The following DHX15 variants were observed in gnomAD, a reference collection of about 807,000 sequenced individuals.
DHX15 encodes DEAH-box helicase 15, also known as ATP-dependent RNA helicase DHX15.
Under a neutral mutation model 94.4 loss-of-function variants are expected in DHX15, and 11 were observed. That is an observed-to-expected ratio of 0.12 (90% CI 0.07 to 0.19). The LOEUF is 0.19. Among genes scored for constraint, DHX15 ranks in the 10% least tolerant of loss-of-function variants. DHX15 has a pLI of 1.00. For missense variants in DHX15, 304 were observed against 988.5 expected (o/e 0.31, Z 9.29); for synonymous variants, 338 against 329.9 (o/e 1.02, Z -0.27).
In DHX15 at chr4:24,584,472, C is replaced by G; in HGVS notation, c.-79G>C. ...GGCACAGTCGAGGACAGCCACTTAACTCTGGAGGACCCCCACCCCTCCCGC... is the reference window on the plus strand; with the variant it reads ...GGCACAGTCGAGGACAGCCACTTAAGTCTGGAGGACCCCCACCCCTCCCGC... On this transcript the variant is annotated 5_prime_UTR_variant, in exon 1 of 14. Transcript: ENST00000336812. 7.3e-7 allele frequency: 1 copy of G among 1,371,694 alleles called. No individual in the cohort carries two copies. Among genetic ancestry groups the G allele is most frequent in the Non-Finnish European group, 1.0e-6 (1 of 992,978 alleles). 85.0% of individuals were successfully genotyped at this position (1,371,694 alleles called of 1,614,324 possible).
chr4:24,555,235 CATT>C (rs1355928128), intron 4 of DHX15, among the ~76,000 whole-genome samples: 1 of 149,844 alleles, frequency 6.7e-6, no homozygotes, highest in Non-Finnish European at 1.5e-5. Flanking sequence ...TAAAAGAAAA[CATT>C]AATATGCAGT....
Position 24,528,038 on chromosome 4 carries a change from C to G in DHX15, c.2274G>C (p.Leu758Phe). 6.2e-7 allele frequency: 1 copy of G among 1,611,734 alleles called. No individual in the cohort carries two copies. The highest frequency in any genetic ancestry group is 8.5e-7 in the Non-Finnish European group (1 of 1,178,056). The change falls in exon 14 of 14, where the codon TTG becomes TTC. Residue 758 changes from leucine (L) to phenylalanine (F), a missense_variant. Transcript: ENST00000336812. The stretch of plus-strand genomic sequence containing the variant: ...CATAATATTGAGGGGCAATTTTCAC[C>G]AACCTGTTTAGAAGTGGGCAGAAAA... ...RTCTDIKPEW[L>F]VKIAPQYYDM...
At position 24,581,316 on chromosome 4, in the gene DHX15, T is replaced by C. The variant is rs141536914; in HGVS notation, c.71+3007A>G. On this transcript the variant is annotated intron_variant, in intron 1 of 13. Transcript: ENST00000336812. ...GTGCTGGGATTACAGGCGTGAGCCA[T>C]TGCGCCCGGCCTATGGCAGCCAATT... Among the ~76,000 whole-genome samples, 348 of 152,246 alleles carry C rather than the reference T, an allele frequency of 2.3e-3. 3 individuals carry two copies. The highest frequency in any genetic ancestry group is 7.9e-3 in the African/African-American group (327 of 41,554).
At chr4:24,571,358 A>C (rs900164387) in intron 2 of DHX15, among the ~76,000 whole-genome samples, 6 of 152,204 alleles carry the variant, frequency 3.9e-5, no homozygotes, top group African/African-American at 1.4e-4. Flanking sequence ...CCTCAGGAGC[A>C]GTATGCACAA....
rs1209505347 is a variant in DHX15 at position 24,537,257 on chromosome 4, G to C, written c.1787-84C>G. 2 of 1,580,050 alleles carry C rather than the reference G, an allele frequency of 1.3e-6. No homozygotes were observed. The highest frequency in any genetic ancestry group is 3.5e-5 in the Admixed American group (2 of 56,690). ...CAGATAGAGGAACAAGGCCTAGCTA[G>C]GTCAGTTCACAGAGCATAGGGCAGG... On this transcript the variant is annotated intron_variant, in intron 10 of 13. Transcript: ENST00000336812. This position sits in a 1 kb window ranked among gnomAD's most constrained non-coding sequence, Gnocchi z 4.7.
In DHX15 at chr4:24,541,021, C is replaced by G. The variant is rs960270042; in HGVS notation, c.1486-73G>C. 1.3e-5 allele frequency: 10 copies of G among 790,510 alleles called. No individual in the cohort carries two copies. In the South Asian group the frequency reaches 1.5e-4, roughly 12 times the overall value. The allele number at this position is 790,510 out of a possible 1,614,324, so 49.0% of individuals were successfully genotyped here. A position where few individuals can be genotyped will look rare whatever the true frequency, so the allele number is the denominator to read the frequency against. On this transcript the variant is annotated intron_variant, in intron 8 of 13. Coordinates refer to ENST00000336812, the MANE Select transcript of DHX15 (RefSeq NM_001358.3). ...TCTCCTCGTTCCAGAAAACAAAAATCTGCTGCCTCCTGAGCTATTTGTTTT... is the reference window on the plus strand; with the variant it reads ...TCTCCTCGTTCCAGAAAACAAAAATGTGCTGCCTCCTGAGCTATTTGTTTT...
chr4:24,554,965 T>C (rs941279039), intron 4 of DHX15, 22 bp from the exon 5 acceptor site: 2 of 1,581,392 alleles, frequency 1.3e-6, no homozygotes, highest in African/African-American at 1.3e-5. Context: ...CAGTAAATTA[T>C]TTGAAGCTGT....
At chr4:24,532,812 A>C (rs886758211) in intron 12 of DHX15, 52 bp downstream of exon 12, 5 of 1,349,118 alleles carry the variant, frequency 3.7e-6, no homozygotes, top group Non-Finnish European at 4.1e-6. Flanking sequence ...CTGTTAATAG[A>C]AATCAGTGTC....
chr4:24,538,983 T>C (rs1389946165), intron 10 of DHX15: 1 of 152,074 alleles, frequency 6.6e-6, no homozygotes, highest in Non-Finnish European at 1.5e-5. Flanking sequence ...GGAGAATCTA[T>C]AAAACAACAT....
intron 1 of DHX15, among the ~76,000 whole-genome samples, chr4:24,579,641 TC>T (rs1048826446): frequency 6.6e-5 from 10 of 152,206 alleles, no homozygotes; most frequent in Non-Finnish European, 1.5e-4. Context: ...ATTTCTTCCC[TC>T]ACCTATAAGA....
chr4:24,562,080 G>A (rs1012894798), intron 3 of DHX15, among the ~76,000 whole-genome samples: 40 of 140,576 alleles, frequency 2.8e-4, no homozygotes, highest in African/African-American at 1.0e-3. Context: ...AGGCTGCAGC[G>A]AGCTGAGATT....
At chr4:24,536,365 T>C (rs1470970111) in intron 11 of DHX15, among the ~76,000 whole-genome samples, 1 of 152,174 alleles carries the variant, frequency 6.6e-6, no homozygotes, top group Non-Finnish European at 1.5e-5. Flanking sequence ...AATAACTTTC[T>C]AAATTATTTC....
chr4:24,551,605 AAT>A (rs1721606454), intron 5 of DHX15, among the ~76,000 whole-genome samples: 1 of 152,198 alleles, frequency 6.6e-6, no homozygotes, highest in African/African-American at 2.4e-5. Context: ...CTAAATAAAA[AAT>A]ATAACAAAGC....
At chr4:24,567,997 GCA>G (rs953692575) in intron 3 of DHX15, among the ~76,000 whole-genome samples, 6 of 152,294 alleles carry the variant, frequency 3.9e-5, no homozygotes, top group African/African-American at 1.2e-4. Context: ...TCCGAAAAGA[GCA>G]CAGTGTCAGA....
At chr4:24,580,572 A>C (rs1722388189) in intron 1 of DHX15, 4 of 150,884 alleles carry the variant, frequency 2.7e-5, no homozygotes, top group South Asian at 2.1e-4. Context: ...GTAGTGGTGC[A>C]ATCTCGACTC....
At chr4:24,543,164 A>T (rs1223282671) in intron 6 of DHX15, 138 bp from the exon 7 acceptor site, 1 of 610,658 alleles carries the variant, frequency 1.6e-6, no homozygotes, top group East Asian at 3.0e-5. Flanking sequence ...TTGATCTTCA[A>T]TGGCCAATGC....
intron 10 of DHX15, chr4:24,538,083 T>C (rs867294715): frequency 6.6e-6 from 1 of 152,188 alleles, no homozygotes; most frequent in African/African-American, 2.4e-5. Context: ...ATGTACTACA[T>C]TTTTTGAAAT....
chr4:24,535,984 G>T (rs1434649023), intron 11 of DHX15, among the ~76,000 whole-genome samples: 1 of 152,094 alleles, frequency 6.6e-6, no homozygotes, highest in Non-Finnish European at 1.5e-5. Context: ...TTTTGGCACA[G>T]GGTGATGATG....
chr4:24,574,169 G>C (rs978948665), intron 2 of DHX15, among the ~76,000 whole-genome samples: 2 of 128,040 alleles, frequency 1.6e-5, no homozygotes, highest in Admixed American at 1.9e-4. Context: ...TCATACCACT[G>C]CACTCCAGCT....
Sources: gnomAD v4.1 joint callset for allele counts (sites outside exome capture counted in the v4.1 genomes callset) on GRCh38, gnomAD v4.1.1 for gene constraint, Gnocchi (gnomAD v3.1) non-coding constraint, MANE v1.5 for transcripts, NCBI Gene and HGNC (gene_info 2026-07-23, HGNC 2026-07-21) for gene names.